Variants in NCAPH observed in about 807,000 individuals in gnomAD.
NCAPH encodes the protein condensin complex subunit 2.
In NCAPH, 38 loss-of-function variants were observed where a neutral mutation model predicts 85.5. That is an observed-to-expected ratio of 0.44 (90% CI 0.34 to 0.58). The LOEUF (loss-of-function observed/expected upper bound fraction) is 0.58, where lower values mean the gene tolerates loss of function less well. Ranked by LOEUF, NCAPH falls within the 20% of genes least tolerant of loss-of-function variation. The probability of loss-of-function intolerance (pLI) is 0.01; values close to 1 mark genes in which losing one functional copy is unlikely to be tolerated. For missense variants in NCAPH, 789 were observed against 916.6 expected (o/e 0.86, Z 1.80); for synonymous variants, 301 against 335.1 (o/e 0.90, Z 1.11).
At chr2:96,356,599 G>T (rs1477939494) in intron 9 of NCAPH, among the ~76,000 whole-genome samples, 4 of 152,118 alleles carry the variant, frequency 2.6e-5, no homozygotes, top group Non-Finnish European at 5.9e-5. Context: ...GTTTAATGGG[G>T]TGGAGCTGGT....
At chr2:96,346,920 G>C (rs887200014) in intron 6 of NCAPH, among the ~76,000 whole-genome samples, 6 of 152,130 alleles carry the variant, frequency 3.9e-5, no homozygotes, top group African/African-American at 1.4e-4. Flanking sequence ...CAGTGTACTG[G>C]ATGGATCAAC....
At chr2:96,357,924 C>T (rs906751522) in intron 9 of NCAPH, among the ~76,000 whole-genome samples, 9 of 152,150 alleles carry the variant, frequency 5.9e-5, no homozygotes, top group Admixed American at 4.6e-4. Flanking sequence ...GCAGCACCAG[C>T]GTCCTTTCTG....
At chr2:96,364,084 G>A (rs913148282) in intron 12 of NCAPH, among the ~76,000 whole-genome samples, 1 of 152,198 alleles carries the variant, frequency 6.6e-6, no homozygotes, top group African/African-American at 2.4e-5. Flanking sequence ...TTACAGGTGT[G>A]AGTCACCGTG....
chr2:96,353,221 T>C lies in NCAPH; in HGVS notation c.911-85T>C, dbSNP rs2064470782. 3.6e-6 allele frequency: 4 copies of C among 1,099,264 alleles called. No homozygotes were observed. The East Asian group carries it at 1.0e-4, about 28-fold the overall frequency. The allele number at this position is 1,099,264 out of a possible 1,614,324, so 68.1% of individuals were successfully genotyped here. On this transcript the variant is annotated intron_variant, in intron 7 of 17. Transcript: ENST00000240423. ...AGGTAACTGTGCCTCTCATCTCTCG[T>C]CCCACTCAGTATCATTCTGAAGGGA...
chr2:96,335,805 C>G lies in NCAPH; in HGVS notation c.-25C>G. Reference sequence around the variant, plus strand: ...GCGTCTCGACGCGCGCGATTTAAAACCAGCTCAGGAGACGCCAAGGAAAGA... The same window carrying G: ...GCGTCTCGACGCGCGCGATTTAAAAGCAGCTCAGGAGACGCCAAGGAAAGA... On this transcript the variant is annotated 5_prime_UTR_variant, in exon 1 of 18. Transcript: ENST00000240423. 6.7e-7 allele frequency: 1 copy of G among 1,485,998 alleles called. No individual in the cohort carries two copies. Among genetic ancestry groups the G allele is most frequent in the Non-Finnish European group, 8.9e-7 (1 of 1,121,496 alleles). The allele number at this position is 1,485,998 out of a possible 1,614,324, so 92.1% of individuals were successfully genotyped here.
intron 1 of NCAPH, among the ~76,000 whole-genome samples, chr2:96,340,041 G>A (rs974205126): frequency 2.0e-5 from 3 of 152,018 alleles, no homozygotes; most frequent in Admixed American, 6.6e-5. Flanking sequence ...TCCTGCCTCA[G>A]CCTCCCAAGT....
intron 5 of NCAPH, among the ~76,000 whole-genome samples, chr2:96,343,783 C>T (rs1487992911): frequency 6.6e-6 from 1 of 151,944 alleles, no homozygotes; most frequent in African/African-American, 2.4e-5. Flanking sequence ...TCACGGCAGC[C>T]TCTGGCTCCC....
intron 16 of NCAPH, 37 bp from the exon 17 acceptor site, chr2:96,369,388 T>C (rs2064742645): frequency 2.6e-6 from 4 of 1,551,196 alleles, no homozygotes; most frequent in African/African-American, 2.7e-5. Flanking sequence ...GTTCTAACAG[T>C]TGGCAGTGAC....
At chr2:96,346,365 G>C (rs1458044271) in intron 6 of NCAPH, among the ~76,000 whole-genome samples, 1 of 152,158 alleles carries the variant, frequency 6.6e-6, no homozygotes, top group Non-Finnish European at 1.5e-5. Flanking sequence ...GTCTACTTGA[G>C]GGTGGTGGCA....
intron 1 of NCAPH, among the ~76,000 whole-genome samples, chr2:96,338,746 C>T (rs1415515700): frequency 6.6e-6 from 1 of 152,212 alleles, no homozygotes; most frequent in South Asian, 2.1e-4. Context: ...CCTCTCAAAG[C>T]CTCCAGAATG....
chr2:96,364,252 G>GAGCT (rs2064664941), intron 12 of NCAPH, among the ~76,000 whole-genome samples: 1 of 152,168 alleles, frequency 6.6e-6, no homozygotes, highest in Non-Finnish European at 1.5e-5. Context: ...CACAGAAATA[G>GAGCT]AGCTGCTCTG....
At position 96,375,992 on chromosome 2, in the gene NCAPH, C is replaced by T. The variant is rs1180045207; in HGVS notation, c.*2641C>T. Among the ~76,000 whole-genome samples the T allele has an allele frequency of 1.3e-5, 2 of 152,154 alleles. No homozygotes were observed. Among genetic ancestry groups the T allele is most frequent in the Non-Finnish European group, 2.9e-5 (2 of 68,038 alleles). On this transcript the variant is annotated 3_prime_UTR_variant, in exon 18 of 18. Transcript: ENST00000240423. ...ACTCAACCTGGGACTTTTCAGCCTC[C>T]ATAACTGTAATAAATTCCTTTGTCA...
intron 11 of NCAPH, 104 bp from the exon 12 acceptor site, chr2:96,360,484 G>A: frequency 7.6e-7 from 1 of 1,314,684 alleles, no homozygotes. Flanking sequence ...GAGACTGATG[G>A]TAGACTCATG....
At position 96,341,999 on chromosome 2, in the gene NCAPH, T is replaced by G. The variant is rs772850054; in HGVS notation, c.273-51T>G. 9 of 1,604,536 alleles carry G rather than the reference T, an allele frequency of 5.6e-6. No individual in the cohort carries two copies. The East Asian group carries it at 2.0e-4, about 36-fold the overall frequency. ...TTCATGGGTCTAGGTTTTGAAAATT[T>G]AAACTATCATGGATTCTTGCCAGAG... On this transcript the variant is annotated intron_variant, in intron 2 of 17. Transcript: ENST00000240423.
rs750501656 is a variant in NCAPH at position 96,341,831 on chromosome 2, CG to C, written c.210del (p.Arg71GlyfsTer63). 1 of 1,613,632 alleles carries C rather than the reference CG, an allele frequency of 6.2e-7. No homozygotes were observed. The highest frequency in any genetic ancestry group is 1.7e-5 in the Admixed American group (1 of 60,008). Reference protein sequence around the residue: ...DEKERLQRRRSRVFDLQFSTD... With the variant: ...DEKERLQRRRXRVFDLQFSTD... ...AAGGAGCGGCTGCAGCGGAGGCGCT[CG>C]AGGGTCTTTGATCTGCAGTTCAGCA... On this transcript the variant is annotated frameshift_variant, in exon 2 of 18. Coordinates refer to ENST00000240423, the MANE Select transcript of NCAPH (RefSeq NM_015341.5). LOFTEE classifies it high-confidence loss of function.
At chr2:96,355,182 T>C (rs2064506725) in intron 9 of NCAPH, among the ~76,000 whole-genome samples, 1 of 152,228 alleles carries the variant, frequency 6.6e-6, no homozygotes, top group Non-Finnish European at 1.5e-5. Context: ...CTTTATGTAC[T>C]TAATAGGTTA....
intron 1 of NCAPH, among the ~76,000 whole-genome samples, chr2:96,338,987 A>G (rs1347269402): frequency 6.6e-6 from 1 of 151,660 alleles, no homozygotes; most frequent in African/African-American, 2.4e-5. Context: ...ATTTTTTTGT[A>G]TTTTTAGTAG....
intron 10 of NCAPH, chr2:96,359,450 C>G: frequency 2.1e-6 from 1 of 475,838 alleles, no homozygotes; most frequent in Non-Finnish European, 3.8e-6. Flanking sequence ...TCACACTGCT[C>G]CCTAGTATCC....
chr2:96,343,647 A>G (rs942515362), intron 5 of NCAPH, among the ~76,000 whole-genome samples: 1 of 151,794 alleles, frequency 6.6e-6, no homozygotes, highest in Non-Finnish European at 1.5e-5. Context: ...TGCAGATTAA[A>G]TATGCCTGAT....
Sources: allele counts gnomAD v4.1 joint callset (sites outside exome capture counted in the v4.1 genomes callset), GRCh38; gene constraint gnomAD v4.1.1; transcripts MANE v1.5; gene names NCBI Gene and HGNC (gene_info 2026-07-23, HGNC 2026-07-21).